PTPN21: variants seen among roughly 807,000 people sequenced by gnomAD.
The protein encoded by PTPN21 is tyrosine-protein phosphatase non-receptor type 21.
PTPN21 carries 77 observed loss-of-function variants against 131.8 expected under a neutral mutation model. That is an observed-to-expected ratio of 0.58 (90% confidence interval 0.49 to 0.71). PTPN21 has a LOEUF of 0.71. Ranked by LOEUF, PTPN21 falls within the 30% of genes least tolerant of loss-of-function variation. PTPN21 has a pLI of 0.00. For missense variants in PTPN21, 1,552 were observed against 1,527.1 expected (o/e 1.02, Z -0.27); for synonymous variants, 715 against 621.3 (o/e 1.15, Z -2.24).
intron 10 of PTPN21, among the ~76,000 whole-genome samples, chr14:88,492,587 C>CTTCAAG (rs2077841523): frequency 6.6e-6 from 1 of 152,154 alleles, no homozygotes; most frequent in Non-Finnish European, 1.5e-5. Context: ...CTGGCCAGCT[C>CTTCAAG]CCCGTCCGGG....
intron 3 of PTPN21, among the ~76,000 whole-genome samples, chr14:88,514,366 G>T (rs1297258168): frequency 6.6e-6 from 1 of 151,628 alleles, no homozygotes; most frequent in African/African-American, 2.4e-5. Context: ...GTAGTATCAG[G>T]TGGCAGTTTT....
Position 88,468,214 on chromosome 14 carries a change from G to A in PTPN21, c.3448C>T (p.Leu1150=), listed in dbSNP as rs771731616. Residue 1150 remains leucine (L), a synonymous_variant, in exon 19 of 19, where the codon CTG becomes TTG. Transcript: ENST00000556564. The stretch of plus-strand genomic sequence containing the variant: ...GTGTACTGGCAGAGAGTCTGCACCA[G>A]CATCATTCTCTGTTGCCTCAGCATG... ...LDMLRQQRMM[L]VQTLCQYTFV... 25 of 1,610,898 alleles carry A rather than the reference G, an allele frequency of 1.6e-5. No homozygotes were observed. The highest frequency in any genetic ancestry group is 2.0e-5 in the Non-Finnish European group (23 of 1,177,648).
chr14:88,497,794 G>C (rs1387006273), intron 8 of PTPN21, among the ~76,000 whole-genome samples: 1 of 150,258 alleles, frequency 6.7e-6, no homozygotes, highest in Non-Finnish European at 1.5e-5. Flanking sequence ...AACAAACAAA[G>C]AAACAAATAA....
At chr14:88,539,419 TG>T (rs1407028600) in intron 2 of PTPN21, among the ~76,000 whole-genome samples, 1 of 152,070 alleles carries the variant, frequency 6.6e-6, no homozygotes, top group Non-Finnish European at 1.5e-5. Context: ...CCAGCAATAT[TG>T]TATTTTTAGT....
At chr14:88,524,552 T>C (rs927040551) in intron 2 of PTPN21, among the ~76,000 whole-genome samples, 1 of 152,148 alleles carries the variant, frequency 6.6e-6, no homozygotes, top group African/African-American at 2.4e-5. Flanking sequence ...TGGGAATAAA[T>C]GCTTGAGTAT....
chr14:88,472,511 G>A (rs2077487647), intron 14 of PTPN21, 46 bp from the exon 15 acceptor site: 3 of 1,206,816 alleles, frequency 2.5e-6, no homozygotes, highest in Middle Eastern at 2.3e-4. Flanking sequence ...GCCACACGTC[G>A]TGGCTACCTT....
chr14:88,532,301 A>G (rs1595407822), intron 2 of PTPN21, among the ~76,000 whole-genome samples: 1 of 152,240 alleles, frequency 6.6e-6, no homozygotes, highest in Non-Finnish European at 1.5e-5. Context: ...AGGAAAGGAC[A>G]TAACAAGTAC....
At chr14:88,474,060 A>T (rs2077510609) in intron 13 of PTPN21, 1 of 236,090 alleles carries the variant, frequency 4.2e-6, no homozygotes, top group Non-Finnish European at 8.0e-6. Context: ...TTCTGTTGTA[A>T]TGAAAGGTGA....
At position 88,472,727 on chromosome 14, in the gene PTPN21, A is replaced by C. The variant is rs572401430; in HGVS notation, c.2650-262T>G. ...TCTGCAAAAAATTAAAAAACGAGCC[A>C]GGTGTGGTGGTGCATGCCTGTGGTC... is the stretch of plus-strand genomic sequence containing the variant. On this transcript the variant is annotated intron_variant, in intron 14 of 18. Coordinates refer to ENST00000556564, the MANE Select transcript of PTPN21 (RefSeq NM_007039.4). 2.0e-5 allele frequency among the ~76,000 whole-genome samples: 3 copies of C among 152,224 alleles called. No individual in the cohort carries two copies. In the South Asian group the frequency reaches 6.2e-4, roughly 32 times the overall value.
chr14:88,520,619 G>T (rs2078374556), intron 2 of PTPN21, among the ~76,000 whole-genome samples: 1 of 151,842 alleles, frequency 6.6e-6, no homozygotes, highest in South Asian at 2.1e-4. Context: ...TTTTTAAACT[G>T]CAACTTATAG....
chr14:88,478,699 TATA>T (rs2077582934), intron 13 of PTPN21, among the ~76,000 whole-genome samples: 3 of 152,230 alleles, frequency 2.0e-5, no homozygotes, highest in Non-Finnish European at 4.4e-5. Flanking sequence ...TCACTTCATC[TATA>T]ATAATTATCT....
intron 3 of PTPN21, among the ~76,000 whole-genome samples, 178 bp from the exon 4 acceptor site, chr14:88,508,198 G>A (rs551311504): frequency 1.3e-5 from 2 of 150,002 alleles, no homozygotes; most frequent in East Asian, 2.0e-4. Flanking sequence ...GCCCAGGCTC[G>A]AGTGCAGTGG....
At chr14:88,532,506 CAG>C (rs1346854672) in intron 2 of PTPN21, among the ~76,000 whole-genome samples, 8 of 152,184 alleles carry the variant, frequency 5.3e-5, no homozygotes, top group African/African-American at 1.9e-4. Context: ...AATTGAAGAA[CAG>C]AGAATAGGGA....
intron 2 of PTPN21, among the ~76,000 whole-genome samples, chr14:88,517,697 CGTATGTGTATATATGTGT>C (rs1566838964): frequency 7.3e-6 from 1 of 137,346 alleles, no homozygotes; most frequent in Non-Finnish European, 1.5e-5. Flanking sequence ...CATATGTGTG[CGTATGTGTATATATGTGT>C]GTATGTGTAT....
intron 10 of PTPN21, among the ~76,000 whole-genome samples, chr14:88,490,173 TAA>T (rs2077802452): frequency 2.0e-5 from 3 of 152,086 alleles, no homozygotes; most frequent in East Asian, 3.9e-4. Context: ...CACGCCAGGC[TAA>T]GTTTTGCATT....
rs371081340 is a variant in PTPN21, at chr14:88,468,983, G to C, written c.3329C>G (p.Ala1110Gly). The C allele has an allele frequency of 6.2e-7, 1 of 1,614,128 alleles. No homozygotes were observed. The highest frequency in any genetic ancestry group is 1.3e-5 in the African/African-American group (1 of 75,012). Reference sequence around the variant, plus strand: ...CACCACGCCAGTCCTTCCTACCCCAGCACTGCAGTGGACCAACAACGGAGG... The same window carrying C: ...CACCACGCCAGTCCTTCCTACCCCACCACTGCAGTGGACCAACAACGGAGG... ...PNPPLLVHCS[A>G]GVGRTGVVIL... Residue 1110 changes from alanine (A) to glycine (G), a missense_variant, in exon 18 of 19, where the codon GCT becomes GGT. Coordinates refer to ENST00000556564, the MANE Select transcript of PTPN21 (RefSeq NM_007039.4).
chr14:88,538,339 T>A (rs1463643042), intron 2 of PTPN21, among the ~76,000 whole-genome samples: 1 of 152,172 alleles, frequency 6.6e-6, no homozygotes, highest in Non-Finnish European at 1.5e-5. Flanking sequence ...AAGCAGATAT[T>A]GCTTTGGAAA....
At chr14:88,512,122 A>G (rs2078195512) in intron 3 of PTPN21, among the ~76,000 whole-genome samples, 1 of 152,136 alleles carries the variant, frequency 6.6e-6, no homozygotes, top group Non-Finnish European at 1.5e-5. Context: ...CATCAACCTT[A>G]TGCCTACCAC....
intron 15 of PTPN21, chr14:88,470,322 T>A: frequency 2.3e-6 from 1 of 431,616 alleles, no homozygotes; most frequent in Non-Finnish European, 4.2e-6. Context: ...CAGTTCTCAT[T>A]TATACAATAA....
Sources: allele counts gnomAD v4.1 joint callset (sites outside exome capture counted in the v4.1 genomes callset), GRCh38; gene constraint gnomAD v4.1.1; transcripts MANE v1.5; gene names NCBI Gene and HGNC (gene_info 2026-07-23, HGNC 2026-07-21).